The following SDHA variants were observed in gnomAD, a reference collection of about 807,000 sequenced individuals.
SDHA encodes succinate dehydrogenase [ubiquinone] flavoprotein subunit, mitochondrial.
SDHA carries 48 observed loss-of-function variants against 78.4 expected under a neutral mutation model. The observed-to-expected ratio is 0.61, with a 90% CI of 0.49 to 0.78. The LOEUF (loss-of-function observed/expected upper bound fraction) is 0.78. Among genes scored for constraint, SDHA ranks in the 30% least tolerant of loss-of-function variants. The probability of loss-of-function intolerance (pLI) is 0.00; values close to 1 mark genes in which losing one functional copy is unlikely to be tolerated. For synonymous variants in SDHA, 326 were observed against 353.9 expected (o/e 0.92, Z 0.88); for missense variants, 680 against 892.7 (o/e 0.76, Z 3.04).
chr5:231,794 G>A (rs1261440216), intron 7 of SDHA, among the ~76,000 whole-genome samples: 1 of 151,608 alleles, frequency 6.6e-6, no homozygotes, highest in Non-Finnish European at 1.5e-5. Flanking sequence ...CGGAGCTTCT[G>A]TGACAATGGG....
intron 5 of SDHA, chr5:227,828 A>G (rs1735136938): frequency 5.7e-6 from 2 of 353,100 alleles, no homozygotes; most frequent in South Asian, 4.8e-5. Flanking sequence ...AGTAGCTCCC[A>G]TCTGGGCTGT....
the SDHA span, among the ~76,000 whole-genome samples, chr5:264,715 C>T: frequency 6.6e-6 from 1 of 152,186 alleles, no homozygotes; most frequent in African/African-American, 2.4e-5. Context: ...CCTATTACTT[C>T]GTGTGTCATC....
intron 5 of SDHA, among the ~76,000 whole-genome samples, chr5:226,974 C>T (rs1318434706): frequency 6.6e-6 from 1 of 151,130 alleles, no homozygotes; most frequent in Non-Finnish European, 1.5e-5. Context: ...TCTCTTTTAC[C>T]ACCTCTGAGT....
chr5:267,090 T>TA, the SDHA span, among the ~76,000 whole-genome samples: 1 of 152,226 alleles, frequency 6.6e-6, no homozygotes, highest in Non-Finnish European at 1.5e-5. Flanking sequence ...ACCTAGCTGA[T>TA]AGATTGTCCA....
rs374086655 is a variant in SDHA at position 236,483 on chromosome 5, G to A, written c.1316G>A (p.Gly439Glu). 3.7e-6 allele frequency: 6 copies of A among 1,613,894 alleles called. No individual in the cohort carries two copies. The highest frequency in any genetic ancestry group is 5.1e-6 in the Non-Finnish European group (6 of 1,179,770). The change falls in exon 10 of 15, where the codon GGG becomes GAG. Residue 439 changes from glycine to glutamate, a missense_variant. Physicochemically the swap from Gly to Glu is moderately conservative, Grantham distance 98 (BLOSUM62 -2). Coordinates refer to ENST00000264932, the MANE Select transcript of SDHA (RefSeq NM_004168.4). ...ATTGTGCCCGGCCTGTACGCCTGTGGGGAGGCCGCCTGTGCCTCGGTACAT... is the reference window on the plus strand; with the variant it reads ...ATTGTGCCCGGCCTGTACGCCTGTGAGGAGGCCGCCTGTGCCTCGGTACAT... Reference protein sequence around the residue: ...DQIVPGLYACGEAACASVHGA... With the variant: ...DQIVPGLYACEEAACASVHGA...
chr5:222,045 A>T (rs755307015), intron 1 of SDHA, among the ~76,000 whole-genome samples: 6 of 146,450 alleles, frequency 4.1e-5, no homozygotes, highest in Non-Finnish European at 8.8e-5. Context: ...ACTTTACAAC[A>T]TTTTCAAGAA....
At position 254,428 on chromosome 5, in the gene SDHA, C is replaced by G. The variant is rs1209697697; in HGVS notation, c.1830C>G (p.Ile610Met). Residue 610 changes from isoleucine (I) to methionine (M), a missense_variant, in exon 14 of 15, where the codon ATC becomes ATG. By Grantham distance (10) the Ile-to-Met change is conservative. Transcript: ENST00000264932. ...ATGAGTACGATTACTCCAAGCCCAT[C>G]CAGGGGCAACAGAAGAAGCCCTTTG... Reference protein sequence around the residue: ...RIDEYDYSKPIQGQQKKPFEE... With the variant: ...RIDEYDYSKPMQGQQKKPFEE... 8 of 1,603,304 alleles carry G rather than the reference C, an allele frequency of 5.0e-6. No individual in the cohort carries two copies. The highest frequency in any genetic ancestry group is 6.8e-6 in the Non-Finnish European group (8 of 1,175,094).
chr5:225,466 G>A lies in SDHA; in HGVS notation c.360G>A (p.Arg120=), dbSNP rs1247649190. Residue 120 remains arginine, a synonymous_variant, in exon 4 of 15, where the codon AGG becomes AGA. Coordinates refer to ENST00000264932, the MANE Select transcript of SDHA (RefSeq NM_004168.4). The part of the protein sequence containing the change: ...ALGNMEEDNW[R]WHFYDTVKGS... ...GGAACATGGAGGAGGACAACTGGAG[G>A]TGGCATTTCTACGACACCGTGAAGG... The A allele has an allele frequency of 3.1e-6, 5 of 1,613,394 alleles. No individual in the cohort carries two copies. The highest frequency in any genetic ancestry group is 4.2e-6 in the Non-Finnish European group (5 of 1,179,872).
In SDHA at chr5:254,418, C is replaced by T. The variant is rs775611963; in HGVS notation, c.1820C>T (p.Ser607Phe). 1 of 1,603,292 alleles carries T rather than the reference C, an allele frequency of 6.2e-7. No homozygotes were observed. Among genetic ancestry groups the T allele is most frequent in the South Asian group, 1.1e-5 (1 of 89,172 alleles). Reference protein sequence around the residue: ...YKVRIDEYDYSKPIQGQQKKP... With the variant: ...YKVRIDEYDYFKPIQGQQKKP... ...GTGCGGATTGATGAGTACGATTACT[C>T]CAAGCCCATCCAGGGGCAACAGAAG... is the stretch of plus-strand genomic sequence containing the variant. Residue 607 changes from serine to phenylalanine, a missense_variant, in exon 14 of 15, where the codon TCC becomes TTC. Physicochemically the swap from Ser to Phe is radical, Grantham distance 155. Transcript: ENST00000264932.
intron 11 of SDHA, among the ~76,000 whole-genome samples, chr5:247,246 C>T (rs1736519681): frequency 6.6e-6 from 1 of 152,182 alleles, no homozygotes; most frequent in African/African-American, 2.4e-5. Context: ...GTTCATTCCA[C>T]ACAATTAATT....
chr5:229,372 G>A (rs1321648429), intron 6 of SDHA, among the ~76,000 whole-genome samples: 4 of 152,206 alleles, frequency 2.6e-5, no homozygotes, highest in South Asian at 2.1e-4. Flanking sequence ...ATATGTGTTG[G>A]TGTTTAATGA....
intron 11 of SDHA, chr5:250,167 A>G (rs1228346714): frequency 6.6e-6 from 1 of 152,320 alleles, no homozygotes; most frequent in African/African-American, 2.4e-5. Context: ...GATGTGCATT[A>G]CAGTGTTACG....
At chr5:267,509 A>T in the SDHA span, among the ~76,000 whole-genome samples, 2 of 152,244 alleles carry the variant, frequency 1.3e-5, no homozygotes, top group African/African-American at 4.8e-5. Context: ...TTCATTTAAC[A>T]AATACTTGTT....
In SDHA at chr5:236,430, C is replaced by G; in HGVS notation, c.1263C>G (p.Val421=). The change falls in exon 10 of 15, where the codon GTC becomes GTG. Residue 421 remains valine, a splice_region_variant and synonymous_variant. Transcript: ENST00000264932. ...GGIPTNYKGQ[V]LRHVNGQDQI... ...ACCTGAAATCTTCCTTTCCACAGGT[C>G]CTGAGGCACGTGAATGGCCAGGATC... 6.2e-7 allele frequency: 1 copy of G among 1,613,742 alleles called. No individual in the cohort carries two copies. The highest frequency in any genetic ancestry group is 8.5e-7 in the Non-Finnish European group (1 of 1,179,708).
rs183331490 is a variant in SDHA at position 243,997 on chromosome 5, G to A, written c.1551+3521G>A. Among the ~76,000 whole-genome samples the A allele has an allele frequency of 7.2e-5, 11 of 152,272 alleles. No individual in the cohort carries two copies. In the East Asian group the frequency reaches 1.9e-3, roughly 27 times the overall value. ...ATGGGGGAAGAAAGAAAACTGCTAA[G>A]CCTGAAATATGTCCAAAATGTAAAA... On this transcript the variant is annotated intron_variant, in intron 11 of 14. Transcript: ENST00000264932.
chr5:239,451 T>C (rs757886889), intron 10 of SDHA, among the ~76,000 whole-genome samples: 70 of 151,756 alleles, frequency 4.6e-4, no homozygotes, highest in Non-Finnish European at 8.2e-4. Context: ...CCAGCTACTC[T>C]GGAGGCTGAG....
intron 9 of SDHA, chr5:236,026 T>C (rs1267984173): frequency 6.8e-5 from 19 of 281,104 alleles, no homozygotes; most frequent in African/African-American, 3.4e-4. Context: ...TTTACTTCCC[T>C]CTCTTTTTTT....
downstream of SDHA, among the ~76,000 whole-genome samples, chr5:257,564 CTG>C (rs1737286029): frequency 1.5e-5 from 2 of 129,560 alleles, no homozygotes; most frequent in African/African-American, 3.1e-5. Context: ...CAGAGCATTA[CTG>C]TGTGAGCTCC....
At chr5:224,667 G>T in intron 3 of SDHA, 146 bp downstream of exon 3, 4 of 815,414 alleles carry the variant, frequency 4.9e-6, no homozygotes, top group South Asian at 1.5e-5. Flanking sequence ...CCTCTCAGGG[G>T]TCTCTCCCTG....
Sources: gnomAD v4.1 joint callset for allele counts (sites outside exome capture counted in the v4.1 genomes callset) on GRCh38, gnomAD v4.1.1 for gene constraint, MANE v1.5 for transcripts, NCBI Gene and HGNC (gene_info 2026-07-23, HGNC 2026-07-21) for gene names.